CPNE8: variants seen among roughly 807,000 people sequenced by gnomAD.
The protein encoded by CPNE8 is copine 8.
A neutral mutation model predicts 81.5 loss-of-function variants in CPNE8; 45 were observed. The observed-to-expected ratio is 0.55, with a 90% CI of 0.44 to 0.71. The LOEUF is 0.71. Ranked by LOEUF, CPNE8 falls within the 30% of genes least tolerant of loss-of-function variation. The pLI, the probability that CPNE8 is intolerant of heterozygous loss-of-function variation, is 0.00. For synonymous variants in CPNE8, 252 were observed against 226.3 expected, an observed-to-expected ratio of 1.11 and a Z score of -1.02; for missense variants, 594 against 672.1, an observed-to-expected ratio of 0.88 and a Z score of 1.28.
chr12:38,902,658 A>G (rs1479250724), intron 1 of CPNE8, among the ~76,000 whole-genome samples: 3 of 152,202 alleles, frequency 2.0e-5, no homozygotes. Flanking sequence ...ATGCACATCA[A>G]AGAAGATAGA....
chr12:38,763,019 C>T (rs1482859997), intron 8 of CPNE8, among the ~76,000 whole-genome samples: 1 of 152,104 alleles, frequency 6.6e-6, no homozygotes, highest in Non-Finnish European at 1.5e-5. Context: ...CCACTGCACC[C>T]AACTAATTTT....
At chr12:38,756,495 A>G (rs1941462235) in intron 10 of CPNE8, among the ~76,000 whole-genome samples, 1 of 152,030 alleles carries the variant, frequency 6.6e-6, no homozygotes, top group Non-Finnish European at 1.5e-5. Flanking sequence ...CGAGGACTAC[A>G]GCCACACGCC....
Position 38,723,755 on chromosome 12 carries a change from T to C in CPNE8, c.914+17A>G. ...GGAAATGCCTAAGCAACGAAACAAT[T>C]TGAGAGAATTACTTACCCTCCCTTA... On this transcript the variant is annotated intron_variant, in intron 13 of 19. Coordinates refer to ENST00000331366, the MANE Select transcript of CPNE8 (RefSeq NM_153634.3). The C allele has an allele frequency of 1.3e-6, 2 of 1,524,646 alleles. No homozygotes were observed. The highest frequency in any genetic ancestry group is 2.3e-5 in the South Asian group (2 of 88,082). 94.4% of individuals were successfully genotyped at this position (1,524,646 alleles called of 1,614,324 possible).
intron 8 of CPNE8, 53 bp from the exon 9 acceptor site, chr12:38,762,269 C>G: frequency 9.3e-7 from 1 of 1,073,226 alleles, no homozygotes; most frequent in South Asian, 1.5e-5. Flanking sequence ...TTTAATTGAT[C>G]TATTGTTTTA....
intron 6 of CPNE8, among the ~76,000 whole-genome samples, chr12:38,815,063 T>C (rs1381575634): frequency 1.3e-5 from 2 of 152,206 alleles, no homozygotes; most frequent in African/African-American, 4.8e-5. Flanking sequence ...CATCCTTCTA[T>C]GGTGTCGTCA....
intron 2 of CPNE8, among the ~76,000 whole-genome samples, chr12:38,873,534 C>T (rs140757695): frequency 6.6e-6 from 1 of 152,044 alleles, no homozygotes; most frequent in South Asian, 2.1e-4. Context: ...GAAAGGAATT[C>T]CCAAAAGGGA....
intron 10 of CPNE8, among the ~76,000 whole-genome samples, chr12:38,732,617 G>A (rs1940856423): frequency 6.6e-6 from 1 of 151,934 alleles, no homozygotes; most frequent in Non-Finnish European, 1.5e-5. Context: ...TTTCTCCTCT[G>A]CATTAGTGGT....
chr12:38,745,546 T>C (rs1941208002), intron 10 of CPNE8, among the ~76,000 whole-genome samples: 1 of 152,076 alleles, frequency 6.6e-6, no homozygotes, highest in African/African-American at 2.4e-5. Flanking sequence ...CCAAGTGAGG[T>C]TACTAAGTTT....
At chr12:38,692,439 C>T (rs774895690) in intron 15 of CPNE8, among the ~76,000 whole-genome samples, 1 of 152,084 alleles carries the variant, frequency 6.6e-6, no homozygotes, top group Non-Finnish European at 1.5e-5. Context: ...TATATAATTA[C>T]CAGTTGAGCC....
At chr12:38,660,169 C>CA (rs1938921342) in intron 19 of CPNE8, among the ~76,000 whole-genome samples, 1 of 152,112 alleles carries the variant, frequency 6.6e-6, no homozygotes, top group South Asian at 2.1e-4. Context: ...CAATCCTAAG[C>CA]AAAAAGAACA....
chr12:38,850,228 C>G (rs1943624625), intron 3 of CPNE8, among the ~76,000 whole-genome samples: 1 of 152,154 alleles, frequency 6.6e-6, no homozygotes, highest in South Asian at 2.1e-4. Flanking sequence ...CAAACCAGAG[C>G]AGAGAGCACT....
At chr12:38,819,534 G>A (rs188084371) in intron 6 of CPNE8, among the ~76,000 whole-genome samples, 84 of 151,964 alleles carry the variant, frequency 5.5e-4, no homozygotes, top group East Asian at 3.9e-3. Flanking sequence ...TTGGGAGGCC[G>A]AGGCAGGCGG....
At chr12:38,677,214 T>C (rs907987541) in intron 17 of CPNE8, among the ~76,000 whole-genome samples, 1 of 151,206 alleles carries the variant, frequency 6.6e-6, no homozygotes, top group Non-Finnish European at 1.5e-5. Flanking sequence ...TATGCTATTA[T>C]CTTTTTTTTT....
intron 13 of CPNE8, among the ~76,000 whole-genome samples, chr12:38,706,721 C>T (rs748524373): frequency 8.5e-5 from 13 of 152,180 alleles, no homozygotes; most frequent in Non-Finnish European, 1.6e-4. Context: ...AGACACATTA[C>T]TATCTTGATT....
intron 13 of CPNE8, among the ~76,000 whole-genome samples, chr12:38,708,928 T>C (rs576570023): frequency 1.4e-4 from 22 of 152,318 alleles, no homozygotes; most frequent in Admixed American, 3.3e-4. Context: ...CAATTTCAAA[T>C]CTAGTTCAGT....
intron 1 of CPNE8, among the ~76,000 whole-genome samples, chr12:38,901,533 C>T (rs1944461683): frequency 6.6e-6 from 1 of 152,092 alleles, no homozygotes; most frequent in African/African-American, 2.4e-5. Flanking sequence ...ATCATTTCAG[C>T]TACAGGCATT....
At position 38,840,256 on chromosome 12, in the gene CPNE8, C is replaced by G. The variant is rs575857128; in HGVS notation, c.291-301G>C. On this transcript the variant is annotated intron_variant, in intron 4 of 19. Coordinates refer to ENST00000331366, the MANE Select transcript of CPNE8 (RefSeq NM_153634.3). Reference sequence around the variant, plus strand: ...TTTTCTGTGCATAAGTTTAAACCTTCTCTTTTCTGTGCATCAGTAGTATCC... The same window carrying G: ...TTTTCTGTGCATAAGTTTAAACCTTGTCTTTTCTGTGCATCAGTAGTATCC... Among the ~76,000 whole-genome samples, 4 of 152,208 alleles carry G rather than the reference C, an allele frequency of 2.6e-5. No homozygotes were observed. The South Asian group carries it at 8.3e-4, about 32-fold the overall frequency.
At chr12:38,743,656 G>T (rs1302185628) in intron 10 of CPNE8, among the ~76,000 whole-genome samples, 3 of 151,994 alleles carry the variant, frequency 2.0e-5, no homozygotes, top group African/African-American at 7.2e-5. Flanking sequence ...GCATAAGCAG[G>T]CTGGAACTAA....
chr12:38,837,041 C>T (rs1943393166), intron 5 of CPNE8, among the ~76,000 whole-genome samples: 1 of 151,952 alleles, frequency 6.6e-6, no homozygotes, highest in African/African-American at 2.4e-5. Context: ...ATAACACAGA[C>T]ACAAATATAA....
Sources: allele counts gnomAD v4.1 joint callset (sites outside exome capture counted in the v4.1 genomes callset), GRCh38; gene constraint gnomAD v4.1.1; transcripts MANE v1.5; gene names NCBI Gene and HGNC (gene_info 2026-07-23, HGNC 2026-07-21).